Variants in TNFSF4 observed in about 807,000 individuals in gnomAD.
TNFSF4 encodes the protein tumor necrosis factor ligand superfamily member 4.
TNFSF4 carries 4 observed loss-of-function variants against 7.3 expected under a neutral mutation model. The ratio of observed to expected loss-of-function variants is 0.55; its 90% CI spans 0.27 to 1.25. TNFSF4 has a LOEUF of 1.25. Ranked by LOEUF, TNFSF4 falls within the 50% of genes most tolerant of loss-of-function variation. TNFSF4 has a pLI of 0.12. For missense variants in TNFSF4, 181 were observed against 208.8 expected (o/e 0.87, Z 0.82); for synonymous variants, 76 against 83.7 (o/e 0.91, Z 0.50).
the TNFSF4 span, among the ~76,000 whole-genome samples, chr1:173,375,737 C>A: frequency 0.016 from 2,469 of 152,086 alleles, 30 homozygotes; most frequent in Non-Finnish European, 0.024. Context: ...ATAGAACATG[C>A]GAGGGGACAA....
chr1:173,248,419 G>A, the TNFSF4 span, among the ~76,000 whole-genome samples: 1 of 146,436 alleles, frequency 6.8e-6, no homozygotes, highest in Non-Finnish European at 1.5e-5. Context: ...AAGAAAGAAG[G>A]AAAGAGGGAG....
the TNFSF4 span, among the ~76,000 whole-genome samples, chr1:173,280,851 C>T: frequency 6.6e-6 from 1 of 152,082 alleles, no homozygotes; most frequent in Non-Finnish European, 1.5e-5. Context: ...ATCTCTTAGC[C>T]TAACTTTAGA....
At chr1:173,407,377 T>C in the TNFSF4 span, among the ~76,000 whole-genome samples, 1 of 151,808 alleles carries the variant, frequency 6.6e-6, no homozygotes, top group African/African-American at 2.4e-5. Flanking sequence ...CTAGGCGATA[T>C]GACGAAACCC....
chr1:173,176,342 G>A, the TNFSF4 span, among the ~76,000 whole-genome samples: 1 of 152,142 alleles, frequency 6.6e-6, no homozygotes, highest in East Asian at 1.9e-4. Context: ...TATTATTAAT[G>A]AGGATACTCT....
At chr1:173,384,653 G>A in the TNFSF4 span, among the ~76,000 whole-genome samples, 1 of 151,966 alleles carries the variant, frequency 6.6e-6, no homozygotes, top group Non-Finnish European at 1.5e-5. Flanking sequence ...AAGTGCTACT[G>A]CAAATTTAGA....
chr1:173,177,323 T>C, the TNFSF4 span, among the ~76,000 whole-genome samples: 3 of 152,254 alleles, frequency 2.0e-5, no homozygotes, highest in Middle Eastern at 3.4e-3. Context: ...GCCATTATAC[T>C]AAGCAAACTA....
the TNFSF4 span, among the ~76,000 whole-genome samples, chr1:173,269,998 A>AGAAG: frequency 6.6e-6 from 1 of 152,282 alleles, no homozygotes; most frequent in African/African-American, 2.4e-5. Context: ...AGGAATGCTA[A>AGAAG]GAAGGGGTCA....
the TNFSF4 span, among the ~76,000 whole-genome samples, chr1:173,302,989 G>T: frequency 2.0e-5 from 3 of 151,784 alleles, no homozygotes; most frequent in Admixed American, 6.6e-5. Flanking sequence ...ATTAATTGAG[G>T]ATTCCTAGTG....
the TNFSF4 span, among the ~76,000 whole-genome samples, chr1:173,252,821 T>C: frequency 2.0e-5 from 3 of 152,174 alleles, no homozygotes; most frequent in Non-Finnish European, 2.9e-5. Context: ...ACCCTGGTAA[T>C]AGAAAACTTC....
the TNFSF4 span, among the ~76,000 whole-genome samples, chr1:173,302,952 G>T: frequency 6.6e-6 from 1 of 151,688 alleles, no homozygotes; most frequent in Non-Finnish European, 1.5e-5. Flanking sequence ...TTTAAATGAG[G>T]GTCTGTATGA....
At chr1:173,199,590 C>T (rs1012296915) in intron 1 of TNFSF4, among the ~76,000 whole-genome samples, 1 of 152,156 alleles carries the variant, frequency 6.6e-6, no homozygotes, top group Non-Finnish European at 1.5e-5. Context: ...TTCTCTAGAG[C>T]CTTCAGAGGA....
the TNFSF4 span, among the ~76,000 whole-genome samples, chr1:173,345,567 T>C: frequency 1.3e-5 from 2 of 152,188 alleles, no homozygotes; most frequent in African/African-American, 4.8e-5. Context: ...TTGATAAGAC[T>C]TGCTGAAGGC....
chr1:173,350,582 G>C, the TNFSF4 span, among the ~76,000 whole-genome samples: 46,304 of 152,094 alleles, frequency 0.3, 7,245 homozygotes, highest in East Asian at 0.35. Context: ...AAAATAGTAA[G>C]AGCTTAACAG....
At chr1:173,348,263 TA>T in the TNFSF4 span, among the ~76,000 whole-genome samples, 1 of 152,208 alleles carries the variant, frequency 6.6e-6, no homozygotes. Flanking sequence ...TGGTAGTGAA[TA>T]AAAGTCTCAT....
upstream of TNFSF4, chr1:173,207,378 G>A: frequency 2.3e-6 from 1 of 430,376 alleles, no homozygotes; most frequent in Non-Finnish European, 4.1e-6. Flanking sequence ...AACTTTTGCA[G>A]GCAGGCGGGG....
chr1:173,226,815 T>G, the TNFSF4 span, among the ~76,000 whole-genome samples: 5 of 152,222 alleles, frequency 3.3e-5, no homozygotes, highest in African/African-American at 1.2e-4. Context: ...CTAATTTTAC[T>G]TTCACTGAAT....
chr1:173,326,186 T>C, the TNFSF4 span, among the ~76,000 whole-genome samples: 1 of 152,166 alleles, frequency 6.6e-6, no homozygotes, highest in Non-Finnish European at 1.5e-5. Context: ...GTGGGCTTCA[T>C]CCCTGGGATG....
the TNFSF4 span, among the ~76,000 whole-genome samples, chr1:173,423,594 G>A: frequency 6.6e-6 from 1 of 152,334 alleles, no homozygotes; most frequent in Admixed American, 6.5e-5. Flanking sequence ...CCCTAGGAAG[G>A]ACTAGGCTTT....
chr1:173,301,103 T>C, the TNFSF4 span, among the ~76,000 whole-genome samples: 256 of 152,092 alleles, frequency 1.7e-3, no homozygotes, highest in African/African-American at 5.6e-3. Context: ...GCTGGACTAG[T>C]TGAATTCCAA....
Sources: allele counts gnomAD v4.1 joint callset (sites outside exome capture counted in the v4.1 genomes callset), GRCh38; gene constraint gnomAD v4.1.1; transcripts MANE v1.5; gene names NCBI Gene and HGNC (gene_info 2026-07-23, HGNC 2026-07-21).